The following PALD1 variants were observed in gnomAD, a reference collection of about 807,000 sequenced individuals.
The protein encoded by PALD1 is paladin.
A neutral mutation model predicts 96.0 loss-of-function variants in PALD1; 57 were observed. The ratio of observed to expected loss-of-function variants is 0.59; its 90% CI spans 0.48 to 0.74. The LOEUF (loss-of-function observed/expected upper bound fraction) is 0.74, where lower values mean the gene tolerates loss of function less well. PALD1 is among the 30% of genes least tolerant of loss of function. The pLI, the probability that PALD1 is intolerant of heterozygous loss-of-function variation, is 0.00. For synonymous variants in PALD1, 464 were observed against 473.6 expected, an observed-to-expected ratio of 0.98 and a Z score of 0.26; for missense variants, 1,063 against 1,143.7, an observed-to-expected ratio of 0.93 and a Z score of 1.02.
At position 70,547,329 on chromosome 10, in the gene PALD1, G is replaced by T. The variant is rs1447792121; in HGVS notation, c.2145G>T (p.Leu715=). 1 of 1,613,600 alleles carries T rather than the reference G, an allele frequency of 6.2e-7. No homozygotes were observed. Among genetic ancestry groups the T allele is most frequent in the African/African-American group, 1.3e-5 (1 of 75,008 alleles). ...AGGTAGTAATGAAGGTGGTGCAGCT[G>T]CTACCCGATGGGCACCGTGTGAAGA... is the stretch of plus-strand genomic sequence containing the variant. The part of the protein sequence containing the change: ...EFQVVMKVVQ[L]LPDGHRVKKE... Residue 715 remains leucine, a synonymous_variant, in exon 18 of 20, where the codon CTG becomes CTT. Transcript: ENST00000263563.
At chr10:70,472,766 T>G in the PALD1 span, among the ~76,000 whole-genome samples, 1 of 152,012 alleles carries the variant, frequency 6.6e-6, no homozygotes. Context: ...TGGTGGGGGA[T>G]TCTCTGCATG....
chr10:70,470,794 T>C, the PALD1 span, among the ~76,000 whole-genome samples: 1 of 151,134 alleles, frequency 6.6e-6, no homozygotes, highest in Non-Finnish European at 1.5e-5. Flanking sequence ...TTTTTATTTT[T>C]ATTTTATTTA....
chr10:70,487,727 TTTG>T (rs1846036830), intron 1 of PALD1, among the ~76,000 whole-genome samples: 1 of 151,970 alleles, frequency 6.6e-6, no homozygotes, highest in Non-Finnish European at 1.5e-5. Context: ...AAAAAACAGT[TTTG>T]TTGAGATATG....
rs1010530346 is a variant in PALD1 at position 70,495,860 on chromosome 10, T to A, written c.-30+16801T>A. 1.1e-3 allele frequency among the ~76,000 whole-genome samples: 158 copies of A among 147,782 alleles called. 1 individual carries two copies. Among genetic ancestry groups the A allele is most frequent in the Non-Finnish European group, 2.0e-3 (136 of 67,098 alleles). ...GTCTCTACAAAAAAAAAAAAAAAAATTAGCCAGCTGCGGTAGTGTGTGCCT... is the reference window on the plus strand; with the variant it reads ...GTCTCTACAAAAAAAAAAAAAAAAAATAGCCAGCTGCGGTAGTGTGTGCCT... On this transcript the variant is annotated intron_variant, in intron 1 of 19. Coordinates refer to ENST00000263563, the MANE Select transcript of PALD1 (RefSeq NM_014431.3).
At chr10:70,512,033 A>G (rs1053820712) in intron 1 of PALD1, among the ~76,000 whole-genome samples, 3 of 148,732 alleles carry the variant, frequency 2.0e-5, no homozygotes, top group Non-Finnish European at 3.0e-5. Context: ...CTCAAAAGAG[A>G]AAAAAAAAAG....
At chr10:70,521,921 G>T (rs184005831) in intron 1 of PALD1, among the ~76,000 whole-genome samples, 2 of 152,126 alleles carry the variant, frequency 1.3e-5, no homozygotes, top group Admixed American at 1.3e-4. Flanking sequence ...AATAGGTGGG[G>T]TTACAAAGGA....
chr10:70,518,825 C>T (rs1021638812), intron 1 of PALD1, among the ~76,000 whole-genome samples: 20 of 152,318 alleles, frequency 1.3e-4, no homozygotes, highest in African/African-American at 4.6e-4. Flanking sequence ...AGTGAGTCCC[C>T]GACCCCTGCC....
intron 1 of PALD1, among the ~76,000 whole-genome samples, chr10:70,503,939 A>T (rs995023044): frequency 6.6e-6 from 1 of 152,204 alleles, no homozygotes; most frequent in Non-Finnish European, 1.5e-5. Context: ...AGCGTGATGT[A>T]AGATGAGGGG....
intron 19 of PALD1, among the ~76,000 whole-genome samples, chr10:70,566,230 G>C (rs1024147793): frequency 6.6e-6 from 1 of 152,168 alleles, no homozygotes; most frequent in Non-Finnish European, 1.5e-5. Flanking sequence ...CTGCATCCAC[G>C]TTCTTCCTCC....
At chr10:70,480,789 A>T (rs2132251721) in intron 1 of PALD1, among the ~76,000 whole-genome samples, 1 of 152,326 alleles carries the variant, frequency 6.6e-6, no homozygotes, top group Middle Eastern at 3.4e-3. Context: ...GACCTGGGTT[A>T]CCCAGGCACC....
At chr10:70,534,896 C>T (rs1193320643) in intron 10 of PALD1, 53 bp downstream of exon 10, 4 of 1,202,122 alleles carry the variant, frequency 3.3e-6, no homozygotes, top group Non-Finnish European at 4.9e-6. Flanking sequence ...GCCCTGCAGC[C>T]TGATTTCATT....
At chr10:70,511,324 G>C (rs967281639) in intron 1 of PALD1, among the ~76,000 whole-genome samples, 2 of 152,158 alleles carry the variant, frequency 1.3e-5, no homozygotes, top group African/African-American at 4.8e-5. Context: ...GTTTCCTTGG[G>C]GAACTTGATG....
rs533780912 is a variant in PALD1, at chr10:70,498,906, C to T, written c.-30+19847C>T. Among the ~76,000 whole-genome samples, 219 of 146,450 alleles carry T rather than the reference C, an allele frequency of 1.5e-3. 5 individuals are homozygous for T. The South Asian group carries it at 0.017, about 11-fold the overall frequency. On this transcript the variant is annotated intron_variant, in intron 1 of 19. Transcript: ENST00000263563. ...TCGCCCCATTGCACTCCAGATTGGG[C>T]AACAAGAGCAAAACTTTATCTCAGA...
chr10:70,515,910 C>T (rs1846611158), intron 1 of PALD1, among the ~76,000 whole-genome samples: 1 of 152,164 alleles, frequency 6.6e-6, no homozygotes, highest in African/African-American at 2.4e-5. Context: ...GCCACTCCTG[C>T]AAGCCCTCGC....
intron 3 of PALD1, 140 bp downstream of exon 3, chr10:70,529,471 A>G (rs1846949024): frequency 1.6e-6 from 1 of 614,710 alleles, no homozygotes; most frequent in South Asian, 1.9e-5. Flanking sequence ...GGGCCCTAGG[A>G]TGGAGCTAGC....
At chr10:70,488,847 C>T (rs1050329615) in intron 1 of PALD1, among the ~76,000 whole-genome samples, 4 of 150,270 alleles carry the variant, frequency 2.7e-5, no homozygotes, top group African/African-American at 4.9e-5. Context: ...TGTCGTGACC[C>T]GTCCCTGGGG....
intron 2 of PALD1, 21 bp from the exon 3 acceptor site, chr10:70,529,208 G>GCCCCTCCCC: frequency 3.7e-6 from 1 of 273,318 alleles, no homozygotes; most frequent in South Asian, 2.5e-5. Flanking sequence ...TTTCCATTCT[G>GCCCCTCCCC]CCCCCCCCCC....
chr10:70,532,503 G>T lies in PALD1; in HGVS notation c.634-118G>T, dbSNP rs572000263. The T allele has an allele frequency of 7.1e-6, 7 of 984,240 alleles. No individual in the cohort carries two copies. In the East Asian group the frequency reaches 1.7e-4, roughly 24 times the overall value. 61.0% of individuals were successfully genotyped at this position (984,240 alleles called of 1,614,324 possible). On this transcript the variant is annotated intron_variant, in intron 5 of 19. Coordinates refer to ENST00000263563, the MANE Select transcript of PALD1 (RefSeq NM_014431.3). ...TCTGGCTGTGTAGTTCCCTCATGGG[G>T]GGCAGAAGCCTGCCTGTGGCCTCTG...
At chr10:70,495,309 T>C (rs1846174374) in intron 1 of PALD1, among the ~76,000 whole-genome samples, 1 of 152,242 alleles carries the variant, frequency 6.6e-6, no homozygotes, top group South Asian at 2.1e-4. Flanking sequence ...CAGTGTATCA[T>C]AATCGTGTTC....
Sources: gnomAD v4.1 joint callset for allele counts (sites outside exome capture counted in the v4.1 genomes callset) on GRCh38, gnomAD v4.1.1 for gene constraint, MANE v1.5 for transcripts, NCBI Gene and HGNC (gene_info 2026-07-23, HGNC 2026-07-21) for gene names.